Variants in COMMD10 observed in about 807,000 individuals in gnomAD.
The protein encoded by COMMD10 is COMM domain containing 10.
Under a neutral mutation model 28.9 loss-of-function variants are expected in COMMD10, and 33 were observed. The ratio of observed to expected loss-of-function variants is 1.14; its 90% CI spans 0.87 to 1.53. The LOEUF (loss-of-function observed/expected upper bound fraction) is 1.53, where lower values mean the gene tolerates loss of function less well. Ranked by LOEUF, COMMD10 falls within the 40% of genes most tolerant of loss-of-function variation. The pLI is 0.00. For synonymous variants in COMMD10, 110 were observed against 81.7 expected (o/e 1.35, Z -1.87); for missense variants, 310 against 233.4 (o/e 1.33, Z -2.14).
chr5:116,212,881 A>G (rs1264487110), intron 5 of COMMD10, among the ~76,000 whole-genome samples: 1 of 152,098 alleles, frequency 6.6e-6, no homozygotes, highest in East Asian at 1.9e-4. Context: ...GGTATCCATA[A>G]TAAAATTTAT....
chr5:116,272,805 G>A (rs942358942), intron 5 of COMMD10, among the ~76,000 whole-genome samples: 1 of 151,766 alleles, frequency 6.6e-6, no homozygotes, highest in Non-Finnish European at 1.5e-5. Flanking sequence ...AATCACAATC[G>A]TGTAAGCTGA....
chr5:116,282,013 C>G lies in COMMD10; in HGVS notation c.511-9504C>G, dbSNP rs1047644602. Among the ~76,000 whole-genome samples the G allele has an allele frequency of 1.2e-4, 18 of 151,800 alleles. 1 individual carries two copies. Among genetic ancestry groups the G allele is most frequent in the African/African-American group, 4.1e-4 (17 of 41,156 alleles). On this transcript the variant is annotated intron_variant, in intron 5 of 6. Transcript: ENST00000274458. The stretch of plus-strand genomic sequence containing the variant: ...TCAATATATCAGTGACTCCCAAATT[C>G]TCTTTTCTGGCTCTCCAGACATATA...
At chr5:116,146,509 G>C (rs187518375) in intron 5 of COMMD10, among the ~76,000 whole-genome samples, 1 of 151,934 alleles carries the variant, frequency 6.6e-6, no homozygotes, top group African/African-American at 2.4e-5. Context: ...ACAGAGTAAA[G>C]ATGTCTAGAT....
intron 5 of COMMD10, among the ~76,000 whole-genome samples, chr5:116,182,510 A>G (rs1490913260): frequency 2.6e-5 from 4 of 152,078 alleles, no homozygotes; most frequent in Non-Finnish European, 5.9e-5. Context: ...TGAGAAATCA[A>G]AGAAGAAACT....
rs1157658912 is a variant in COMMD10 at position 116,288,872 on chromosome 5, C to CTTTTTT, written c.511-2623_511-2618dup. Among the ~76,000 whole-genome samples, 16 of 104,382 alleles carry CTTTTTT rather than the reference C, an allele frequency of 1.5e-4. 1 individual carries two copies. The highest frequency in any genetic ancestry group is 3.3e-4 in the African/African-American group (9 of 27,120). 68.5% of individuals were successfully genotyped at this position (104,382 alleles called of 152,430 possible). On this transcript the variant is annotated intron_variant, in intron 5 of 6. Transcript: ENST00000274458. ...GTTTTCAATTGTTGGTGTTCTCTCT[C>CTTTTTT]TTTTTTTTTTTTTTTTTTTTTTTTT...
chr5:116,174,471 A>G (rs1026658299), intron 5 of COMMD10, among the ~76,000 whole-genome samples: 5 of 152,208 alleles, frequency 3.3e-5, no homozygotes, highest in Non-Finnish European at 5.9e-5. Flanking sequence ...GGATCACTAT[A>G]GCTACTGCAC....
intron 5 of COMMD10, among the ~76,000 whole-genome samples, chr5:116,189,245 A>G (rs1748262734): frequency 6.6e-6 from 1 of 152,002 alleles, no homozygotes; most frequent in Non-Finnish European, 1.5e-5. Context: ...AAGTGATGCA[A>G]AGACATAGCA....
intron 5 of COMMD10, among the ~76,000 whole-genome samples, chr5:116,263,641 C>T (rs998349673): frequency 6.6e-6 from 1 of 151,682 alleles, no homozygotes; most frequent in African/African-American, 2.4e-5. Flanking sequence ...TTGGTCTCCA[C>T]AATCGTTTTT....
Position 116,212,253 on chromosome 5 carries a change from CAATTTG to C in COMMD10, c.510+78077_510+78082del, listed in dbSNP as rs1748984846. ...TGATGGGAAAATACAGTCACAGCTACAATTTGATAAGCCAGGAACTGTATTTTTCCC... is the reference window on the plus strand; with the variant it reads ...TGATGGGAAAATACAGTCACAGCTACATAAGCCAGGAACTGTATTTTTCCC... On this transcript the variant is annotated intron_variant, in intron 5 of 6. Transcript: ENST00000274458. Among the ~76,000 whole-genome samples, 7 of 152,182 alleles carry C rather than the reference CAATTTG, an allele frequency of 4.6e-5. No individual in the cohort carries two copies. In the South Asian group the frequency reaches 1.5e-3, roughly 32 times the overall value.
chr5:116,244,579 C>A (rs1398342275), intron 5 of COMMD10, among the ~76,000 whole-genome samples: 1 of 150,494 alleles, frequency 6.6e-6, no homozygotes, highest in Non-Finnish European at 1.5e-5. Flanking sequence ...GGAGAAGTTT[C>A]CCCGGCTGAA....
At chr5:116,139,698 C>A (rs1752135204) in intron 5 of COMMD10, among the ~76,000 whole-genome samples, 1 of 151,402 alleles carries the variant, frequency 6.6e-6, no homozygotes, top group Non-Finnish European at 1.5e-5. Context: ...GATAATTCAA[C>A]TGATAGGACA....
intron 4 of COMMD10, among the ~76,000 whole-genome samples, chr5:116,133,028 C>T (rs940153181): frequency 2.6e-5 from 4 of 152,080 alleles, no homozygotes; most frequent in Admixed American, 2.0e-4. Flanking sequence ...TGAGTCACTG[C>T]TGTGATTCTA....
At chr5:116,165,621 T>C (rs920168966) in intron 5 of COMMD10, among the ~76,000 whole-genome samples, 2 of 152,072 alleles carry the variant, frequency 1.3e-5, no homozygotes, top group African/African-American at 4.8e-5. Context: ...TATCTGTGTG[T>C]GTGTTTGTGC....
intron 5 of COMMD10, among the ~76,000 whole-genome samples, chr5:116,230,009 A>G (rs571542236): frequency 5.3e-5 from 8 of 152,068 alleles, no homozygotes; most frequent in East Asian, 1.9e-4. Context: ...TAATGATTCA[A>G]TCAATTGAGT....
intron 4 of COMMD10, among the ~76,000 whole-genome samples, chr5:116,116,431 T>C (rs1357683147): frequency 6.6e-6 from 1 of 152,228 alleles, no homozygotes; most frequent in African/African-American, 2.4e-5. Context: ...AAACACAATA[T>C]GTAACTGTGA....
chr5:116,143,069 G>GTTTT (rs375227609), intron 5 of COMMD10, among the ~76,000 whole-genome samples: 1 of 130,998 alleles, frequency 7.6e-6, no homozygotes, highest in South Asian at 2.3e-4. Context: ...TGTGTTTTTG[G>GTTTT]TTTTTTTTTT....
intron 5 of COMMD10, among the ~76,000 whole-genome samples, chr5:116,237,170 G>T (rs537461823): frequency 6.6e-6 from 1 of 152,058 alleles, no homozygotes; most frequent in Non-Finnish European, 1.5e-5. Context: ...TCTCTGATAT[G>T]TTTGATGAAC....
chr5:116,225,613 A>T (rs1256867435), intron 5 of COMMD10, among the ~76,000 whole-genome samples: 1 of 151,948 alleles, frequency 6.6e-6, no homozygotes, highest in Non-Finnish European at 1.5e-5. Flanking sequence ...TAGCCCAAAG[A>T]TTTTGGCAGA....
intron 4 of COMMD10, among the ~76,000 whole-genome samples, chr5:116,096,977 G>T (rs141056275): frequency 6.6e-6 from 1 of 151,152 alleles, no homozygotes; most frequent in African/African-American, 2.4e-5. Flanking sequence ...TATACAGTCC[G>T]TTTTTTTCCT....
Sources: allele counts gnomAD v4.1 joint callset (sites outside exome capture counted in the v4.1 genomes callset), GRCh38; gene constraint gnomAD v4.1.1; transcripts MANE v1.5; gene names NCBI Gene and HGNC (gene_info 2026-07-23, HGNC 2026-07-21).